The following LBP variants were observed in gnomAD, a reference collection of about 807,000 sequenced individuals.
The protein encoded by LBP is lipopolysaccharide binding protein.
A neutral mutation model predicts 56.6 loss-of-function variants in LBP; 53 were observed. The observed-to-expected ratio is 0.94, with a 90% confidence interval of 0.75 to 1.18. The LOEUF (loss-of-function observed/expected upper bound fraction) is 1.18, where lower values mean the gene tolerates loss of function less well. Among genes scored for constraint, LBP ranks in the 50% most tolerant of loss-of-function variants. The pLI, the probability that LBP is intolerant of heterozygous loss-of-function variation, is 0.00. For synonymous variants in LBP, 227 were observed against 247.5 expected, an observed-to-expected ratio of 0.92 and a Z score of 0.78; for missense variants, 601 against 598.3, an observed-to-expected ratio of 1.00 and a Z score of -0.05.
rs375197773 is a variant in LBP, at chr20:38,355,461, G to A, written c.588+52G>A. 2,454 of 1,498,952 alleles carry A rather than the reference G, an allele frequency of 1.6e-3. 7 individuals are homozygous for A. The highest frequency in any genetic ancestry group is 1.8e-3 in the Non-Finnish European group (1,971 of 1,075,934). 92.9% of individuals were successfully genotyped at this position (1,498,952 alleles called of 1,614,324 possible). Reference sequence around the variant, plus strand: ...CCCCGAGCTTGGCGAGGGCTGAATGGAAGACCTCACTGACCAATGGCCCTG... The same window carrying A: ...CCCCGAGCTTGGCGAGGGCTGAATGAAAGACCTCACTGACCAATGGCCCTG... On this transcript the variant is annotated intron_variant, in intron 5 of 14. Coordinates refer to ENST00000217407, the MANE Select transcript of LBP (RefSeq NM_004139.5).
At chr20:38,355,900 T>C (rs2076837265) in intron 5 of LBP, among the ~76,000 whole-genome samples, 1 of 151,868 alleles carries the variant, frequency 6.6e-6, no homozygotes, top group Non-Finnish European at 1.5e-5. Flanking sequence ...ATCTTCAGAG[T>C]GTATCATCTT....
At chr20:38,375,195 G>GC (rs1253051812) in intron 14 of LBP, among the ~76,000 whole-genome samples, 3 of 149,180 alleles carry the variant, frequency 2.0e-5, no homozygotes, top group Non-Finnish European at 4.5e-5. Flanking sequence ...TGTTTTAAGG[G>GC]TTTTTTTTTT....
intron 6 of LBP, among the ~76,000 whole-genome samples, chr20:38,363,163 A>G (rs1213618278): frequency 6.6e-6 from 1 of 152,080 alleles, no homozygotes; most frequent in African/African-American, 2.4e-5. Flanking sequence ...CTATGGTCGC[A>G]TGTCTTTGGG....
In LBP at chr20:38,352,888, A is replaced by G. The variant is rs180939729; in HGVS notation, c.369-1396A>G. ...ATTGATTACATGTTGAAATCATACTATGTATTACTAAAATTAATTTCAGCT... is the reference window on the plus strand; with the variant it reads ...ATTGATTACATGTTGAAATCATACTGTGTATTACTAAAATTAATTTCAGCT... On this transcript the variant is annotated intron_variant, in intron 3 of 14. Transcript: ENST00000217407. Among the ~76,000 whole-genome samples the G allele has an allele frequency of 6.6e-5, 10 of 152,238 alleles. No individual in the cohort carries two copies. The East Asian group carries it at 1.3e-3, about 21-fold the overall frequency.
intron 3 of LBP, among the ~76,000 whole-genome samples, chr20:38,352,809 C>G (rs2076825081): frequency 6.6e-6 from 1 of 151,404 alleles, no homozygotes; most frequent in Admixed American, 6.6e-5. Flanking sequence ...CCACACCTGG[C>G]TAATTTTTAA....
intron 7 of LBP, 82 bp downstream of exon 7, chr20:38,364,148 T>G: frequency 1.1e-6 from 1 of 911,682 alleles, no homozygotes; most frequent in Non-Finnish European, 1.8e-6. Context: ...CCCCCCAACT[T>G]CAGATCTGTC....
At chr20:38,369,254 G>C in intron 10 of LBP, 92 bp downstream of exon 10, 1 of 1,262,060 alleles carries the variant, frequency 7.9e-7, no homozygotes, top group Non-Finnish European at 1.1e-6. Flanking sequence ...CACCACCTGG[G>C]TAATTCCTCC....
Position 38,355,406 on chromosome 20 carries a change from C to A in LBP, c.585C>A (p.Ser195Arg). The A allele has an allele frequency of 6.2e-7, 1 of 1,613,306 alleles. No individual in the cohort carries two copies. Among genetic ancestry groups the A allele is most frequent in the Non-Finnish European group, 8.5e-7 (1 of 1,179,712 alleles). ...IESKFQKVLE[S>R]RICEMIQKSV... ...CCAAGTTCCAGAAAGTACTGGAGAG[C>A]AGGGTAAGAAGGTCCAAGCCTCTGG... The change falls in exon 5 of 15, where the codon AGC becomes AGA. Residue 195 changes from serine (S) to arginine (R), a missense_variant. By Grantham distance (110) the Ser-to-Arg change is moderately radical. Transcript: ENST00000217407.
At chr20:38,357,469 C>G (rs1329913554) in intron 5 of LBP, among the ~76,000 whole-genome samples, 4 of 152,196 alleles carry the variant, frequency 2.6e-5, no homozygotes, top group Non-Finnish European at 5.9e-5. Context: ...ACCAGCAAGG[C>G]TAAGGAGAAG....
In LBP at chr20:38,369,035, G is replaced by A. The variant is rs751473960; in HGVS notation, c.1022G>A (p.Gly341Glu). The A allele has an allele frequency of 4.3e-6, 7 of 1,614,140 alleles. No homozygotes were observed. Among genetic ancestry groups the A allele is most frequent in the Middle Eastern group, 1.6e-4 (1 of 6,062 alleles). Residue 341 changes from glycine (G) to glutamate (E), a missense_variant, in exon 10 of 15, where the codon GGA (glycine) becomes GAA (glutamate). Transcript: ENST00000217407. ...CCCAACATGAACCTGGAACTCCAGGGATCAGTGCCCTCTGCTCCGCTCCTG... is the reference window on the plus strand; with the variant it reads ...CCCAACATGAACCTGGAACTCCAGGAATCAGTGCCCTCTGCTCCGCTCCTG... ...LYPNMNLELQ[G>E]SVPSAPLLNF...
At chr20:38,366,346 G>C (rs979076233) in intron 8 of LBP, among the ~76,000 whole-genome samples, 2 of 152,212 alleles carry the variant, frequency 1.3e-5, no homozygotes, top group Non-Finnish European at 2.9e-5. Context: ...GTTTTATGGA[G>C]CACTCACCAT....
chr20:38,369,522 T>G (rs1028522825), intron 10 of LBP, among the ~76,000 whole-genome samples: 1 of 152,218 alleles, frequency 6.6e-6, no homozygotes, highest in Non-Finnish European at 1.5e-5. Context: ...CTTGGAAGAC[T>G]ACATTTCCCA....
chr20:38,358,806 T>C (rs1377665073), intron 5 of LBP, among the ~76,000 whole-genome samples: 1 of 152,200 alleles, frequency 6.6e-6, no homozygotes, highest in Non-Finnish European at 1.5e-5. Flanking sequence ...TGTGGATTCA[T>C]TGCACAAGAG....
chr20:38,368,492 G>C (rs1006328630), intron 9 of LBP, among the ~76,000 whole-genome samples: 1 of 152,128 alleles, frequency 6.6e-6, no homozygotes, highest in Non-Finnish European at 1.5e-5. Context: ...CCAGCTACTT[G>C]GGAGGCTGCA....
intron 1 of LBP, among the ~76,000 whole-genome samples, chr20:38,347,066 G>A (rs956176892): frequency 6.6e-6 from 1 of 152,190 alleles, no homozygotes; most frequent in African/African-American, 2.4e-5. Context: ...AGTCAGAATT[G>A]TGGTCACCTC....
rs182147327 is a variant in LBP at position 38,354,362 on chromosome 20, C to T, written c.447C>T (p.Ser149=). 3.7e-5 allele frequency: 60 copies of T among 1,613,668 alleles called. No individual in the cohort carries two copies. Among genetic ancestry groups the T allele is most frequent in the Non-Finnish European group, 4.7e-5 (55 of 1,179,942 alleles). Residue 149 remains serine (S), a synonymous_variant, in exon 4 of 15, where the codon TCC becomes TCT. Coordinates refer to ENST00000217407, the MANE Select transcript of LBP (RefSeq NM_004139.5). The part of the protein sequence containing the change: ...SVNLLLGSES[S]GRPTVTASSC... The stretch of plus-strand genomic sequence containing the variant: ...ACCTCCTGTTGGGCAGCGAGTCCTC[C>T]GGGAGGCCCACAGTTACTGCCTCCA...
Position 38,362,768 on chromosome 20 carries a change from C to T in LBP, c.653-1207C>T, listed in dbSNP as rs181255547. 3.7e-3 allele frequency among the ~76,000 whole-genome samples: 559 copies of T among 151,530 alleles called. 2 individuals carry two copies. The highest frequency in any genetic ancestry group is 0.013 in the African/African-American group (533 of 41,298). On this transcript the variant is annotated intron_variant, in intron 6 of 14. Coordinates refer to ENST00000217407, the MANE Select transcript of LBP (RefSeq NM_004139.5). ...TTCAAGGCCAGCCCGGGCAACATAG[C>T]GAAACCCCATCTCTACAATAAATAC... is the stretch of plus-strand genomic sequence containing the variant.
At chr20:38,371,636 C>T (rs11536986) in intron 12 of LBP, among the ~76,000 whole-genome samples, 31 of 152,142 alleles carry the variant, frequency 2.0e-4, no homozygotes, top group African/African-American at 6.0e-4. Flanking sequence ...CAAAAATAAA[C>T]GAAAAAACTA....
In LBP at chr20:38,370,803, A is replaced by T. The variant is rs1220934591; in HGVS notation, c.1215A>T (p.Gly405=). 1.2e-6 allele frequency: 2 copies of T among 1,613,880 alleles called. No homozygotes were observed. Among genetic ancestry groups the T allele is most frequent in the Non-Finnish European group, 1.7e-6 (2 of 1,179,786 alleles). ...TSKITGFLKP[G]KVKVELKESK... Reference sequence around the variant, plus strand: ...AGATCACTGGGTTCCTGAAGCCAGGAAAGTAAGTTGGCCTCCTACCTACAT... The same window carrying T: ...AGATCACTGGGTTCCTGAAGCCAGGTAAGTAAGTTGGCCTCCTACCTACAT... Residue 405 remains glycine (G), a splice_region_variant and synonymous_variant, in exon 11 of 15, where the codon GGA becomes GGT. Coordinates refer to ENST00000217407, the MANE Select transcript of LBP (RefSeq NM_004139.5).
Sources: allele counts gnomAD v4.1 joint callset (sites outside exome capture counted in the v4.1 genomes callset), GRCh38; gene constraint gnomAD v4.1.1; transcripts MANE v1.5; gene names NCBI Gene and HGNC (gene_info 2026-07-23, HGNC 2026-07-21).